CD276: variants seen among roughly 807,000 people sequenced by gnomAD.
The protein encoded by CD276 is CD276 antigen.
In CD276, 34 loss-of-function variants were observed where a neutral mutation model predicts 50.0. That is an observed-to-expected ratio of 0.68 (90% CI 0.52 to 0.91). The LOEUF (loss-of-function observed/expected upper bound fraction) is 0.91, where lower values mean the gene tolerates loss of function less well. Among genes scored for constraint, CD276 ranks in the 40% least tolerant of loss-of-function variants. CD276 has a pLI of 0.00. For missense variants in CD276, 634 were observed against 717.5 expected (o/e 0.88, Z 1.33); for synonymous variants, 275 against 313.0 (o/e 0.88, Z 1.28).
At position 73,713,012 on chromosome 15, in the gene CD276, A is replaced by G. The variant is rs575523842; in HGVS notation, c.*56A>G. 1.3e-5 allele frequency: 21 copies of G among 1,559,704 alleles called. No homozygotes were observed. In the African/African-American group the frequency reaches 1.8e-4, roughly 13 times the overall value. ...CTACAGCTCCTACCCTCTGGCTGCA[A>G]TGGGGCTGCACTGTGAGCCCTGCCC... On this transcript the variant is annotated 3_prime_UTR_variant, in exon 10 of 10. Transcript: ENST00000318443.
At chr15:73,696,233 G>C (rs1049348778) in intron 1 of CD276, among the ~76,000 whole-genome samples, 2 of 152,218 alleles carry the variant, frequency 1.3e-5, no homozygotes, top group Non-Finnish European at 2.9e-5. Context: ...CTCCAGGGCA[G>C]GTCCCGGCTG....
intron 9 of CD276, 31 bp from the exon 10 acceptor site, chr15:73,712,903 C>T: frequency 1.2e-6 from 2 of 1,611,840 alleles, no homozygotes; most frequent in South Asian, 1.1e-5. Flanking sequence ...CTTTTCCCTT[C>T]CCTTTTTTTT....
rs1900542303 is a variant in CD276 at position 73,704,104 on chromosome 15, A to C, written c.1073-72A>C. ...CCAGAACCCCAGTGCTGATTCCTGTACTCAGCCCCATGCATCCTTTTCCTC... is the reference window on the plus strand; with the variant it reads ...CCAGAACCCCAGTGCTGATTCCTGTCCTCAGCCCCATGCATCCTTTTCCTC... On this transcript the variant is annotated intron_variant, in intron 5 of 9. Transcript: ENST00000318443. This position sits in a 1 kb window ranked among gnomAD's most constrained non-coding sequence, Gnocchi z 4.1. 1 of 1,569,038 alleles carries C rather than the reference A, an allele frequency of 6.4e-7. No homozygotes were observed. Among genetic ancestry groups the C allele is most frequent in the Non-Finnish European group, 8.6e-7 (1 of 1,156,556 alleles).
At chr15:73,708,783 A>AAGTC (rs1386589901) in intron 7 of CD276, 1 of 402,056 alleles carries the variant, frequency 2.5e-6, no homozygotes, top group Non-Finnish European at 4.7e-6. Flanking sequence ...GTGAAAGTGT[A>AAGTC]AGTCAGTCAC....
chr15:73,689,680 T>G (rs1899914982), intron 1 of CD276, among the ~76,000 whole-genome samples: 1 of 152,184 alleles, frequency 6.6e-6, no homozygotes, highest in Non-Finnish European at 1.5e-5. Flanking sequence ...AGAGAGGATA[T>G]TTTCATAAAG....
intron 9 of CD276, among the ~76,000 whole-genome samples, chr15:73,712,710 G>A (rs1045433213): frequency 1.3e-5 from 2 of 152,114 alleles, no homozygotes; most frequent in African/African-American, 2.4e-5. Flanking sequence ...GGCTGCGTGA[G>A]GTGGTCCCCC....
In CD276 at chr15:73,702,242, C is replaced by A; in HGVS notation, c.80-13C>A. 1 of 1,592,884 alleles carries A rather than the reference C, an allele frequency of 6.3e-7. No homozygotes were observed. The highest frequency in any genetic ancestry group is 8.5e-7 in the Non-Finnish European group (1 of 1,170,108). On this transcript the variant is annotated splice_polypyrimidine_tract_variant and intron_variant, in intron 2 of 9. Coordinates refer to ENST00000318443, the MANE Select transcript of CD276 (RefSeq NM_001024736.2). Reference sequence around the variant, plus strand: ...AGTCCCCCTTATATGTTCTCCACTCCCCCTACCCCCAGGAGCCCTGGAGGT... The same window carrying A: ...AGTCCCCCTTATATGTTCTCCACTCACCCTACCCCCAGGAGCCCTGGAGGT...
chr15:73,708,188 G>A (rs549872488), intron 6 of CD276, 151 bp from the exon 7 acceptor site: 12 of 780,172 alleles, frequency 1.5e-5, no homozygotes, highest in African/African-American at 8.7e-5. Flanking sequence ...AGTGTATGGC[G>A]AAGGGACTGT....
intron 8 of CD276, 59 bp from the exon 9 acceptor site, chr15:73,711,076 C>A: frequency 6.3e-7 from 1 of 1,594,004 alleles, no homozygotes; most frequent in Non-Finnish European, 8.6e-7. Context: ...TGCCTGACTC[C>A]CTACCCCACC....
At chr15:73,708,213 G>C in intron 6 of CD276, 126 bp from the exon 7 acceptor site, 1 of 1,009,406 alleles carries the variant, frequency 9.9e-7, no homozygotes, top group South Asian at 1.6e-5. Context: ...ACTTAAGTGA[G>C]CTTTATTCAT....
In CD276 at chr15:73,713,248, G is replaced by C; in HGVS notation, c.*292G>C. ...TATTTCACAGTACATACATTTCTTAGGGACACAGTACACTGACCACATCAC... is the reference window on the plus strand; with the variant it reads ...TATTTCACAGTACATACATTTCTTACGGACACAGTACACTGACCACATCAC... On this transcript the variant is annotated 3_prime_UTR_variant, in exon 10 of 10. Transcript: ENST00000318443. 1 of 430,914 alleles carries C rather than the reference G, an allele frequency of 2.3e-6. No individual in the cohort carries two copies. Among genetic ancestry groups the C allele is most frequent in the Non-Finnish European group, 4.1e-6 (1 of 242,918 alleles). The allele number at this position is 430,914 out of a possible 1,614,324, so 26.7% of individuals were successfully genotyped here. A position where few individuals can be genotyped will look rare whatever the true frequency, so the allele number is the denominator to read the frequency against.
intron 6 of CD276, among the ~76,000 whole-genome samples, chr15:73,707,520 C>A (rs1028000195): frequency 6.6e-6 from 1 of 152,196 alleles, no homozygotes; most frequent in East Asian, 1.9e-4. Flanking sequence ...GGGGAAACTC[C>A]AAGCCCTCAC....
chr15:73,689,188 C>CTCTGTGTGTGTGTG (rs1555417295), intron 1 of CD276, among the ~76,000 whole-genome samples: 2 of 142,626 alleles, frequency 1.4e-5, no homozygotes, highest in African/African-American at 5.3e-5. Context: ...TCTGTGCCTC[C>CTCTGTGTGTGTGTG]TGTGTGTGTG....
chr15:73,703,534 A>G (rs1193558148), intron 4 of CD276, 125 bp from the exon 5 acceptor site: 2 of 788,042 alleles, frequency 2.5e-6, no homozygotes, highest in Non-Finnish European at 3.9e-6. Flanking sequence ...TTTTGCATCT[A>G]AGAAGAAAAT....
chr15:73,686,101 T>C (rs1242490756), intron 1 of CD276, among the ~76,000 whole-genome samples: 1 of 152,164 alleles, frequency 6.6e-6, no homozygotes, highest in Non-Finnish European at 1.5e-5. Context: ...GTTTTTGTTC[T>C]GAGGGGTTGT....
At chr15:73,690,444 A>T (rs988451192) in intron 1 of CD276, among the ~76,000 whole-genome samples, 13 of 152,208 alleles carry the variant, frequency 8.5e-5, no homozygotes, top group South Asian at 4.1e-4. Context: ...AGAATACCAC[A>T]GCCTGGGTAA....
At chr15:73,710,523 T>C (rs368443809) in intron 8 of CD276, among the ~76,000 whole-genome samples, 6 of 152,300 alleles carry the variant, frequency 3.9e-5, no homozygotes, top group African/African-American at 1.4e-4. Context: ...GCTGAGCCAT[T>C]TGGGATGGTT....
chr15:73,697,350 G>GGT (rs1447104008), intron 1 of CD276, among the ~76,000 whole-genome samples: 2 of 151,610 alleles, frequency 1.3e-5, no homozygotes, highest in South Asian at 2.1e-4. Flanking sequence ...AGCTGCTGGG[G>GGT]GTGTGTGTGT....
intron 1 of CD276, among the ~76,000 whole-genome samples, chr15:73,695,301 T>A (rs11072431): frequency 0.58 from 88,067 of 151,854 alleles, 25,694 homozygotes; most frequent in African/African-American, 0.62. Flanking sequence ...AATTCCAGGG[T>A]GATCTGGCTG....
Sources: allele counts gnomAD v4.1 joint callset (sites outside exome capture counted in the v4.1 genomes callset), GRCh38; gene constraint gnomAD v4.1.1; non-coding constraint Gnocchi (gnomAD v3.1); transcripts MANE v1.5; gene names NCBI Gene and HGNC (gene_info 2026-07-23, HGNC 2026-07-21).